The following NLGN1 variants were observed in gnomAD, a reference collection of about 807,000 sequenced individuals.
NLGN1 encodes the protein neuroligin-1.
In NLGN1, 12 loss-of-function variants were observed where a neutral mutation model predicts 65.5. The observed-to-expected ratio is 0.18, with a 90% confidence interval of 0.12 to 0.30. The LOEUF is 0.30. NLGN1 is among the 10% of genes least tolerant of loss of function. The pLI, the probability that NLGN1 is intolerant of heterozygous loss-of-function variation, is 1.00. For missense variants in NLGN1, 750 were observed against 1,007.1 expected (o/e 0.74, Z 3.46); for synonymous variants, 350 against 359.5 (o/e 0.97, Z 0.30).
chr3:173,754,144 T>C (rs1776751422), intron 3 of NLGN1, among the ~76,000 whole-genome samples: 1 of 151,360 alleles, frequency 6.6e-6, no homozygotes, highest in African/African-American at 2.4e-5. Flanking sequence ...CCTCTCAGGC[T>C]CAGGCGATCC....
At chr3:173,484,797 G>A (rs1445527169) in intron 2 of NLGN1, among the ~76,000 whole-genome samples, 3 of 152,102 alleles carry the variant, frequency 2.0e-5, no homozygotes, top group Non-Finnish European at 4.4e-5. Flanking sequence ...TCATTTATAT[G>A]ACTCAAAGGA....
intron 2 of NLGN1, among the ~76,000 whole-genome samples, chr3:173,591,447 G>A (rs1461288693): frequency 2.6e-5 from 4 of 152,154 alleles, no homozygotes; most frequent in Non-Finnish European, 5.9e-5. Context: ...TGCCTTATGT[G>A]AAAGGCGTTG....
At chr3:173,577,691 G>T (rs1745722624) in intron 2 of NLGN1, among the ~76,000 whole-genome samples, 1 of 152,060 alleles carries the variant, frequency 6.6e-6, no homozygotes, top group Non-Finnish European at 1.5e-5. Flanking sequence ...TTGTTTCTAG[G>T]TCATCAGAAA....
chr3:173,918,902 A>G (rs532629949), intron 4 of NLGN1, among the ~76,000 whole-genome samples: 16 of 151,890 alleles, frequency 1.1e-4, no homozygotes, highest in East Asian at 5.8e-4. Flanking sequence ...TAGAGAATCT[A>G]TTTTCTTGCC....
At chr3:173,861,536 G>A (rs1006121495) in intron 4 of NLGN1, among the ~76,000 whole-genome samples, 2 of 149,676 alleles carry the variant, frequency 1.3e-5, no homozygotes, top group African/African-American at 4.9e-5. Context: ...GTGTGTGTGT[G>A]TGTGTGTGTG....
At chr3:173,687,916 G>A (rs986229977) in intron 3 of NLGN1, among the ~76,000 whole-genome samples, 2 of 152,136 alleles carry the variant, frequency 1.3e-5, no homozygotes, top group African/African-American at 2.4e-5. Flanking sequence ...AGAATACCAC[G>A]TTTTAAAATC....
At chr3:173,558,828 A>G (rs999115374) in intron 2 of NLGN1, among the ~76,000 whole-genome samples, 1 of 152,016 alleles carries the variant, frequency 6.6e-6, no homozygotes, top group African/African-American at 2.4e-5. Flanking sequence ...ATATCTCATA[A>G]TTTTCTTTTG....
chr3:173,437,608 G>A (rs1395908608), intron 2 of NLGN1, among the ~76,000 whole-genome samples: 1 of 152,114 alleles, frequency 6.6e-6, no homozygotes, highest in Non-Finnish European at 1.5e-5. Context: ...TAGCTTAGTG[G>A]ACTTGATTTC....
chr3:174,124,824 A>G (rs940926460), intron 4 of NLGN1, among the ~76,000 whole-genome samples: 1 of 151,954 alleles, frequency 6.6e-6, no homozygotes, highest in Non-Finnish European at 1.5e-5. Context: ...TTATGGGAGC[A>G]TGTAACAAAA....
chr3:174,183,974 ACT>A (rs1197358164), intron 4 of NLGN1, among the ~76,000 whole-genome samples: 1 of 152,104 alleles, frequency 6.6e-6, no homozygotes, highest in African/African-American at 2.4e-5. Context: ...TGAAAGCAAA[ACT>A]CAACCATGAA....
intron 1 of NLGN1, among the ~76,000 whole-genome samples, chr3:173,405,973 TAGTG>T (rs897299061): frequency 2.6e-5 from 4 of 152,122 alleles, no homozygotes; most frequent in East Asian, 1.9e-4. Flanking sequence ...AAATACATAA[TAGTG>T]GAGGGATGTA....
intron 2 of NLGN1, among the ~76,000 whole-genome samples, chr3:173,490,167 A>G (rs886175673): frequency 9.9e-5 from 15 of 152,170 alleles, no homozygotes; most frequent in African/African-American, 2.9e-4. Context: ...GCCCATGCCT[A>G]TGTCCTAAAT....
Position 174,280,934 on chromosome 3 carries a change from G to C in NLGN1, c.2103G>C (p.Lys701Asn). The C allele has an allele frequency of 1.2e-6, 2 of 1,613,312 alleles. No individual in the cohort carries two copies. Among genetic ancestry groups the C allele is most frequent in the East Asian group, 2.2e-5 (1 of 44,828 alleles). ...CCTTTGCAGCCCTGTACTACAAAAAGGATAAGAGGAGACATGATGTTCACA... is the reference window on the plus strand; with the variant it reads ...CCTTTGCAGCCCTGTACTACAAAAACGATAAGAGGAGACATGATGTTCACA... Residue 701 changes from lysine to asparagine, a missense_variant, in exon 7 of 7, where the codon AAG (lysine) becomes AAC (asparagine). Coordinates refer to ENST00000457714, the Ensembl canonical transcript of NLGN1. This position sits in a 1 kb window ranked among gnomAD's most constrained non-coding sequence, Gnocchi z 4.9.
chr3:174,102,016 C>T (rs1712629149), intron 4 of NLGN1, among the ~76,000 whole-genome samples: 2 of 152,076 alleles, frequency 1.3e-5, no homozygotes, highest in Admixed American at 1.3e-4. Flanking sequence ...GCATGATCAC[C>T]ACATTTTCAT....
chr3:173,847,165 A>G (rs1725947469), intron 4 of NLGN1, among the ~76,000 whole-genome samples: 1 of 152,212 alleles, frequency 6.6e-6, no homozygotes, highest in Non-Finnish European at 1.5e-5. Flanking sequence ...CCACTGTTTG[A>G]AATGATGAAC....
At chr3:173,981,722 T>C (rs960273629) in intron 4 of NLGN1, among the ~76,000 whole-genome samples, 1 of 152,150 alleles carries the variant, frequency 6.6e-6, no homozygotes, top group Non-Finnish European at 1.5e-5. Context: ...GTAGTATAAT[T>C]CTTCATATTC....
intron 4 of NLGN1, among the ~76,000 whole-genome samples, chr3:174,087,678 A>G (rs903542589): frequency 3.4e-4 from 52 of 152,136 alleles, no homozygotes; most frequent in African/African-American, 1.2e-3. Context: ...CTATGCCACA[A>G]CTATACCTGT....
chr3:174,016,501 A>T (rs912951626), intron 4 of NLGN1, among the ~76,000 whole-genome samples: 23 of 152,156 alleles, frequency 1.5e-4, no homozygotes, highest in African/African-American at 4.8e-5. Context: ...GCAGATTGAG[A>T]CCAGCAACCA....
rs569967581 is a variant in NLGN1 at position 173,880,476 on chromosome 3, G to C, written c.646+72644G>C. 6.6e-5 allele frequency among the ~76,000 whole-genome samples: 10 copies of C among 151,548 alleles called. No homozygotes were observed. In the South Asian group the frequency reaches 1.0e-3, roughly 16 times the overall value. The stretch of plus-strand genomic sequence containing the variant: ...GCAATAAAGCAAGTATTGCAATCAA[G>C]TGATTCACACAAATTTTTTTTTTAT... On this transcript the variant is annotated intron_variant, in intron 4 of 6. Coordinates refer to ENST00000457714, the Ensembl canonical transcript of NLGN1.
Sources: gnomAD v4.1 joint callset for allele counts (sites outside exome capture counted in the v4.1 genomes callset) on GRCh38, gnomAD v4.1.1 for gene constraint, Gnocchi (gnomAD v3.1) non-coding constraint, MANE v1.5 for transcripts, NCBI Gene and HGNC (gene_info 2026-07-23, HGNC 2026-07-21) for gene names.